The following CNKSR2 variants were observed in gnomAD, a reference collection of about 807,000 sequenced individuals.
The protein encoded by CNKSR2 is CNK homolog protein 2.
In CNKSR2, 14 loss-of-function variants were observed where a neutral mutation model predicts 84.4. The ratio of observed to expected loss-of-function variants is 0.17; its 90% confidence interval spans 0.11 to 0.26. The LOEUF is 0.26. CNKSR2 is among the 10% of genes least tolerant of loss of function. The probability of loss-of-function intolerance (pLI) is 1.00; values close to 1 mark genes in which losing one functional copy is unlikely to be tolerated. For synonymous variants in CNKSR2, 275 were observed against 277.9 expected, an observed-to-expected ratio of 0.99 and a Z score of 0.10; for missense variants, 485 against 771.2, an observed-to-expected ratio of 0.63 and a Z score of 4.40.
At chrX:21,544,959 C>T (rs145775559) in intron 11 of CNKSR2, among the ~76,000 whole-genome samples, 85 of 111,271 alleles carry the variant, frequency 7.6e-4, no homozygotes, top group Non-Finnish European at 1.5e-3. Flanking sequence ...CAAAACTGGG[C>T]GACTGTTTGG....
chrX:21,391,408 T>C (rs1012541349), intron 1 of CNKSR2, among the ~76,000 whole-genome samples: 3 of 112,430 alleles, frequency 2.7e-5, no homozygotes, highest in Admixed American at 9.3e-5. Context: ...GCCTCAACTC[T>C]TACCCTCTAT....
At chrX:21,419,803 C>A (rs758323622) in intron 1 of CNKSR2, among the ~76,000 whole-genome samples, 5 of 112,441 alleles carry the variant, frequency 4.4e-5, no homozygotes, top group African/African-American at 1.6e-4. Context: ...GAGACAAGCA[C>A]CCTTGTGGCC....
At chrX:21,512,937 C>G (rs1171795389) in intron 8 of CNKSR2, among the ~76,000 whole-genome samples, 1 of 111,395 alleles carries the variant, frequency 9.0e-6, no homozygotes, top group Non-Finnish European at 1.9e-5. Flanking sequence ...TAATCTTGGC[C>G]GAGAAAACAA....
At chrX:21,451,193 GAAAGT>G (rs2090922954) in intron 4 of CNKSR2, among the ~76,000 whole-genome samples, 1 of 111,768 alleles carries the variant, frequency 8.9e-6, no homozygotes, top group Admixed American at 9.5e-5. Flanking sequence ...AGAACCTTGA[GAAAGT>G]AAAGAGACAT....
At chrX:21,469,027 T>C (rs777770865) in intron 4 of CNKSR2, among the ~76,000 whole-genome samples, 1 of 112,443 alleles carries the variant, frequency 8.9e-6, no homozygotes, top group East Asian at 2.8e-4. Context: ...AATGTGCTAG[T>C]AAATTTTTAT....
chrX:21,596,063 C>T (rs767426734), intron 17 of CNKSR2, among the ~76,000 whole-genome samples: 12 of 111,665 alleles, frequency 1.1e-4, no homozygotes, highest in Non-Finnish European at 2.1e-4. Context: ...CTTTCTATAA[C>T]TTACTAGCCA....
intron 1 of CNKSR2, among the ~76,000 whole-genome samples, chrX:21,406,780 C>A (rs2090270040): frequency 9.0e-6 from 1 of 111,537 alleles, no homozygotes; most frequent in Non-Finnish European, 1.9e-5. Flanking sequence ...TTGTAGAAAT[C>A]ATGATTTGAA....
chrX:21,377,919 TTTGA>T (rs764506487), intron 1 of CNKSR2, among the ~76,000 whole-genome samples: 113 of 111,846 alleles, frequency 1.0e-3, no homozygotes, highest in African/African-American at 3.6e-3. Context: ...ATGGATTCAT[TTTGA>T]TTGATCAATT....
intron 20 of CNKSR2, among the ~76,000 whole-genome samples, chrX:21,614,155 A>G (rs904948079): frequency 9.0e-6 from 1 of 111,026 alleles, no homozygotes; most frequent in Admixed American, 9.6e-5. Context: ...AGAGCAGAAG[A>G]TACATTAATT....
At chrX:21,459,612 A>G (rs1259418140) in intron 4 of CNKSR2, among the ~76,000 whole-genome samples, 5 of 110,588 alleles carry the variant, frequency 4.5e-5, no homozygotes, top group African/African-American at 1.6e-4. Context: ...ATACTTATAT[A>G]TTCTTTGCAT....
chrX:21,461,577 T>C (rs1466432255), intron 4 of CNKSR2, among the ~76,000 whole-genome samples: 1 of 112,392 alleles, frequency 8.9e-6, no homozygotes, highest in East Asian at 2.8e-4. Context: ...TGGTTGCATG[T>C]GATTGTGGGG....
In CNKSR2 at chrX:21,501,555, C is replaced by G; in HGVS notation, c.777C>G (p.Gly259=). 1 of 1,168,397 alleles carries G rather than the reference C, an allele frequency of 8.6e-7. No individual in the cohort carries two copies. The highest frequency in any genetic ancestry group is 1.2e-6 in the Non-Finnish European group (1 of 864,748). The change falls in exon 8 of 22, where the codon GGC becomes GGG. Residue 259 remains glycine, a synonymous_variant. Coordinates refer to ENST00000379510, the MANE Select transcript of CNKSR2 (RefSeq NM_014927.5). ...ATCGGTGCAAGAAAATCCATGCTGG[C>G]GATGAAGTGATTCAAGTTAATCATC... ...PADRCKKIHA[G]DEVIQVNHQT... is the part of the protein sequence containing the mutation.
chrX:21,642,503 G>C, intron 20 of CNKSR2: 1 of 751,532 alleles, frequency 1.3e-6, no homozygotes, highest in Non-Finnish European at 1.6e-6. Context: ...AATCAATATT[G>C]CTTATTTTTC....
chrX:21,388,147 C>T (rs2089998138), intron 1 of CNKSR2, among the ~76,000 whole-genome samples: 1 of 111,565 alleles, frequency 9.0e-6, no homozygotes, highest in African/African-American at 3.3e-5. Flanking sequence ...GATCCGCCCA[C>T]CTCAGCCTCC....
chrX:21,463,584 A>G (rs1033009038), intron 4 of CNKSR2, among the ~76,000 whole-genome samples: 4 of 111,400 alleles, frequency 3.6e-5, no homozygotes, highest in Admixed American at 9.6e-5. Flanking sequence ...GAATTTATCT[A>G]TGATTTTCCA....
At chrX:21,495,908 A>G (rs1243323330) in intron 6 of CNKSR2, among the ~76,000 whole-genome samples, 3 of 105,097 alleles carry the variant, frequency 2.9e-5, no homozygotes, top group African/African-American at 1.0e-4. Context: ...ATGCATCCTT[A>G]GGTAATTTCA....
chrX:21,550,794 G>C (rs2092081536), intron 11 of CNKSR2, among the ~76,000 whole-genome samples: 1 of 111,102 alleles, frequency 9.0e-6, no homozygotes, highest in Non-Finnish European at 1.9e-5. Context: ...ACAGTACTTT[G>C]GGAGGCAGAG....
intron 4 of CNKSR2, among the ~76,000 whole-genome samples, chrX:21,454,124 C>G (rs1192711393): frequency 9.0e-6 from 1 of 111,184 alleles, no homozygotes; most frequent in African/African-American, 3.3e-5. Context: ...ACATCACTTC[C>G]TCTGGGAAGT....
Position 21,563,424 on chromosome X carries a change from C to A in CNKSR2, c.1580C>A (p.Thr527Asn). ...MDALRQDIMGTPVPETTLYHT... is the reference protein window; with the variant it reads ...MDALRQDIMGNPVPETTLYHT... ...GCACTGAGACAAGACATCATGGGCA[C>A]TCCTGTGCCAGAGACCACACTATAC... The change falls in exon 13 of 22, where the codon ACT becomes AAT. Residue 527 changes from threonine to asparagine, a missense_variant. Thr to Asn is a moderately conservative substitution (Grantham distance 65, BLOSUM62 0). Around this residue, in one of 5 missense-constraint regions of CNKSR2, gnomAD observed 132 missense variants for 166.7 expected, o/e 0.79. Coordinates refer to ENST00000379510, the MANE Select transcript of CNKSR2 (RefSeq NM_014927.5). The A allele has an allele frequency of 1.7e-6, 2 of 1,209,047 alleles. No homozygotes were observed. Among genetic ancestry groups the A allele is most frequent in the Non-Finnish European group, 2.2e-6 (2 of 893,382 alleles).
Sources: gnomAD v4.1 joint callset for allele counts (sites outside exome capture counted in the v4.1 genomes callset) on GRCh38, gnomAD v4.1.1 for gene constraint, gnomAD v4.1.1 regional missense constraint, MANE v1.5 for transcripts, NCBI Gene and HGNC (gene_info 2026-07-23, HGNC 2026-07-21) for gene names.